The following PDZRN3 variants were observed in gnomAD, a reference collection of about 807,000 sequenced individuals.
PDZRN3 encodes the protein E3 ubiquitin-protein ligase PDZRN3.
Under a neutral mutation model 85.7 loss-of-function variants are expected in PDZRN3, and 38 were observed. The observed-to-expected ratio is 0.44, with a 90% CI of 0.34 to 0.58. The LOEUF (loss-of-function observed/expected upper bound fraction) is 0.58. Ranked by LOEUF, PDZRN3 falls within the 20% of genes least tolerant of loss-of-function variation. The pLI, the probability that PDZRN3 is intolerant of heterozygous loss-of-function variation, is 0.01. For synonymous variants in PDZRN3, 759 were observed against 638.0 expected (o/e 1.19, Z -2.86); for missense variants, 1,629 against 1,506.4 (o/e 1.08, Z -1.35).
intron 3 of PDZRN3, among the ~76,000 whole-genome samples, chr3:73,515,140 G>A (rs1431718212): frequency 1.3e-5 from 2 of 151,210 alleles, no homozygotes; most frequent in African/African-American, 2.4e-5. Context: ...TAGGTAATTG[G>A]GTGAGAGCCT....
intron 3 of PDZRN3, among the ~76,000 whole-genome samples, chr3:73,525,142 G>A (rs1704492446): frequency 6.6e-6 from 1 of 151,854 alleles, no homozygotes; most frequent in African/African-American, 2.4e-5. Flanking sequence ...ATCTTTTCTG[G>A]TGGTTTCCAT....
intron 3 of PDZRN3, among the ~76,000 whole-genome samples, chr3:73,416,849 G>A (rs1702091657): frequency 7.0e-6 from 1 of 142,278 alleles, no homozygotes. Flanking sequence ...AACCTGCCTA[G>A]GTTTTTTTTT....
intron 3 of PDZRN3, among the ~76,000 whole-genome samples, chr3:73,563,834 A>G (rs1207543051): frequency 6.6e-6 from 1 of 152,202 alleles, no homozygotes; most frequent in Non-Finnish European, 1.5e-5. Flanking sequence ...TGGGGCCCAG[A>G]GGGGGAAAAC....
chr3:73,537,101 G>A (rs975002637), intron 3 of PDZRN3, among the ~76,000 whole-genome samples: 3 of 152,128 alleles, frequency 2.0e-5, no homozygotes, highest in African/African-American at 7.2e-5. Flanking sequence ...AGCCTCTCTT[G>A]CAGTTGGCTG....
At chr3:73,565,842 T>C (rs1701938454) in intron 3 of PDZRN3, among the ~76,000 whole-genome samples, 1 of 148,568 alleles carries the variant, frequency 6.7e-6, no homozygotes. Flanking sequence ...CAGAAAACTA[T>C]GCTTCCAATA....
chr3:73,589,843 G>A (rs1479007007), intron 3 of PDZRN3, among the ~76,000 whole-genome samples: 1 of 152,100 alleles, frequency 6.6e-6, no homozygotes, highest in Non-Finnish European at 1.5e-5. Context: ...AGTTACTAAC[G>A]TGAAGCCAAC....
chr3:73,481,842 T>A (rs1034592196), intron 3 of PDZRN3, among the ~76,000 whole-genome samples: 4 of 152,138 alleles, frequency 2.6e-5, no homozygotes, highest in Admixed American at 2.0e-4. Context: ...AAAAGAACAG[T>A]CCAGAAGAGA....
At chr3:73,442,878 T>C (rs945059567) in intron 3 of PDZRN3, among the ~76,000 whole-genome samples, 1 of 152,106 alleles carries the variant, frequency 6.6e-6, no homozygotes, top group African/African-American at 2.4e-5. Context: ...TGGAGTACAC[T>C]AAGGTGCCTA....
rs573845612 is a variant in PDZRN3, at chr3:73,495,242, G to A, written c.919-90847C>T. 5.9e-5 allele frequency among the ~76,000 whole-genome samples: 9 copies of A among 152,128 alleles called. No homozygotes were observed. In the South Asian group the frequency reaches 1.9e-3, roughly 32 times the overall value. On this transcript the variant is annotated intron_variant, in intron 3 of 9. Transcript: ENST00000263666. ...CGATAGCAAGATTCTTTCAGCAAGT[G>A]GTTTGCTTTTTAAAAGAATTTTTAA... is the stretch of plus-strand genomic sequence containing the variant.
chr3:73,516,133 T>C, intron 3 of PDZRN3, among the ~76,000 whole-genome samples: 1 of 152,244 alleles, frequency 6.6e-6, no homozygotes, highest in Admixed American at 6.5e-5. Context: ...GAGGAAGGGA[T>C]ATATTGTTGT....
intron 3 of PDZRN3, among the ~76,000 whole-genome samples, chr3:73,527,886 T>C (rs1235932770): frequency 1.3e-5 from 2 of 152,046 alleles, no homozygotes; most frequent in African/African-American, 2.4e-5. Flanking sequence ...TAAACCCCTA[T>C]TTACTCGCAT....
rs1190170315 is a variant in PDZRN3 at position 73,384,532 on chromosome 3, AG to A, written c.2033del (p.Pro678LeufsTer11). On this transcript the variant is annotated frameshift_variant, in exon 10 of 10. Transcript: ENST00000263666. LOFTEE classifies it high-confidence loss of function. ...SGPLDAGKSD[P>X]ESVDKELELL... is the part of the protein sequence containing the mutation. ...GCTCCAGCTCCTTGTCCACGCTCTC[AG>A]GGTCACTCTTGCCGGCGTCCAGGGG... is the stretch of plus-strand genomic sequence containing the variant. 1 of 1,613,650 alleles carries A rather than the reference AG, an allele frequency of 6.2e-7. No homozygotes were observed. Among genetic ancestry groups the A allele is most frequent in the Non-Finnish European group, 8.5e-7 (1 of 1,180,002 alleles).
intron 3 of PDZRN3, among the ~76,000 whole-genome samples, chr3:73,480,296 C>T (rs886819679): frequency 1.3e-5 from 2 of 152,122 alleles, no homozygotes; most frequent in African/African-American, 4.8e-5. Flanking sequence ...GCACCTGGGG[C>T]GGGCCCTTTG....
At chr3:73,524,758 CATT>C (rs1045948374) in intron 3 of PDZRN3, among the ~76,000 whole-genome samples, 57 of 152,010 alleles carry the variant, frequency 3.7e-4, no homozygotes, top group Non-Finnish European at 6.5e-4. Context: ...AGGTTAGTGA[CATT>C]GTTACCCAGG....
In PDZRN3 at chr3:73,436,935, A is replaced by G. The variant is rs192216093; in HGVS notation, c.919-32540T>C. Among the ~76,000 whole-genome samples the G allele has an allele frequency of 4.2e-3, 638 of 151,818 alleles. 21 individuals are homozygous for G. Among genetic ancestry groups the G allele is most frequent in the Admixed American group, 0.039 (599 of 15,220 alleles). ...GTGGCACACACCTGTAGTCCCAGGT[A>G]CTTGGGAGGCTGAGGCAGGGTAATT... is the stretch of plus-strand genomic sequence containing the variant. On this transcript the variant is annotated intron_variant, in intron 3 of 9. Transcript: ENST00000263666.
intron 3 of PDZRN3, chr3:73,561,539 C>T (rs1217423597): frequency 6.6e-6 from 1 of 152,204 alleles, no homozygotes; most frequent in Non-Finnish European, 1.5e-5. Context: ...GTATCCTAAA[C>T]ATTTGGATGC....
Position 73,404,400 on chromosome 3 carries a change from G to C in PDZRN3, c.919-5C>G. ...GGATAAGTCTCTGCCGTTGACCTGT[G>C]GAAAAATATTTAGGGTGGGACAAGG... On this transcript the variant is annotated splice_polypyrimidine_tract_variant and splice_region_variant and intron_variant, in intron 3 of 9. Transcript: ENST00000263666. The C allele has an allele frequency of 6.2e-7, 1 of 1,607,682 alleles. No homozygotes were observed. The highest frequency in any genetic ancestry group is 8.5e-7 in the Non-Finnish European group (1 of 1,176,898).
rs1002914287 is a variant in PDZRN3 at position 73,418,698 on chromosome 3, A to C, written c.919-14303T>G. On this transcript the variant is annotated intron_variant, in intron 3 of 9. Coordinates refer to ENST00000263666, the MANE Select transcript of PDZRN3 (RefSeq NM_015009.3). Reference sequence around the variant, plus strand: ...TCCCCACCCTATGGCTATGCAGTTAAAACTTCCTGACTTCATTTTCTTGTT... The same window carrying C: ...TCCCCACCCTATGGCTATGCAGTTACAACTTCCTGACTTCATTTTCTTGTT... Among the ~76,000 whole-genome samples, 8 of 152,306 alleles carry C rather than the reference A, an allele frequency of 5.3e-5. No individual in the cohort carries two copies. The East Asian group carries it at 1.2e-3, about 22-fold the overall frequency.
chr3:73,440,477 T>A (rs946883905), intron 3 of PDZRN3, among the ~76,000 whole-genome samples: 4 of 152,128 alleles, frequency 2.6e-5, no homozygotes, highest in Non-Finnish European at 5.9e-5. Context: ...CGCCTTGATG[T>A]CACAACATGC....
Sources: gnomAD v4.1 joint callset for allele counts (sites outside exome capture counted in the v4.1 genomes callset) on GRCh38, gnomAD v4.1.1 for gene constraint, MANE v1.5 for transcripts, NCBI Gene and HGNC (gene_info 2026-07-23, HGNC 2026-07-21) for gene names.